HCRTR2: variants seen among roughly 807,000 people sequenced by gnomAD.
HCRTR2 encodes the protein orexin receptor type 2.
HCRTR2 carries 22 observed loss-of-function variants against 49.0 expected under a neutral mutation model. That is an observed-to-expected ratio of 0.45 (90% CI 0.32 to 0.64). The LOEUF is 0.64. Among genes scored for constraint, HCRTR2 ranks in the 30% least tolerant of loss-of-function variants. The pLI, the probability that HCRTR2 is intolerant of heterozygous loss-of-function variation, is 0.04. For missense variants in HCRTR2, 491 were observed against 559.4 expected (o/e 0.88, Z 1.23); for synonymous variants, 236 against 205.3 (o/e 1.15, Z -1.28).
intron 1 of HCRTR2, among the ~76,000 whole-genome samples, chr6:55,183,793 C>G (rs1765171588): frequency 1.3e-5 from 2 of 151,244 alleles, no homozygotes; most frequent in African/African-American, 2.4e-5. Flanking sequence ...GCATACAAAA[C>G]AAAGAAAGAA....
chr6:55,236,455 T>A (rs1459823258), intron 1 of HCRTR2, among the ~76,000 whole-genome samples: 3 of 152,086 alleles, frequency 2.0e-5, no homozygotes, highest in African/African-American at 7.2e-5. Flanking sequence ...ACTTAATAAG[T>A]ATGCCCTCTG....
rs372520718 is a variant in HCRTR2, at chr6:55,188,912, GTTCCAAAGAATGAAAAA to G, written c.223+14108_223+14124del. Among the ~76,000 whole-genome samples, 703 of 152,298 alleles carry G rather than the reference GTTCCAAAGAATGAAAAA, an allele frequency of 4.6e-3. 2 individuals carry two copies. Among genetic ancestry groups the G allele is most frequent in the African/African-American group, 0.016 (645 of 41,578 alleles). ...TGACATGTGAATACGATTTTGAAAA[GTTCCAAAGAATGAAAAA>G]TTCCACCTACATTGGTGAAGTACTA... On this transcript the variant is annotated intron_variant, in intron 1 of 6. Coordinates refer to ENST00000370862, the MANE Select transcript of HCRTR2 (RefSeq NM_001384272.1).
chr6:55,251,230 T>A (rs1766543681), intron 2 of HCRTR2, among the ~76,000 whole-genome samples: 1 of 152,154 alleles, frequency 6.6e-6, no homozygotes, highest in African/African-American at 2.4e-5. Flanking sequence ...TTAGATTACT[T>A]GGACGTTTAT....
chr6:55,184,309 T>C (rs1041573724), intron 1 of HCRTR2, among the ~76,000 whole-genome samples: 2 of 152,214 alleles, frequency 1.3e-5, no homozygotes, highest in Non-Finnish European at 2.9e-5. Flanking sequence ...GGTCTATTAA[T>C]ATTTTCCAAT....
intron 1 of HCRTR2, among the ~76,000 whole-genome samples, chr6:55,231,285 T>A (rs554431783): frequency 6.6e-6 from 1 of 152,264 alleles, no homozygotes; most frequent in South Asian, 2.1e-4. Context: ...AATTTCAATA[T>A]CCCTTTTTAT....
intron 1 of HCRTR2, among the ~76,000 whole-genome samples, chr6:55,145,899 CTCATCATA>C (rs1467170708): frequency 6.6e-6 from 1 of 152,044 alleles, no homozygotes; most frequent in Non-Finnish European, 1.5e-5. Context: ...TACATTTCTA[CTCATCATA>C]TAAGTTGTAA....
chr6:55,226,711 G>GTTT (rs777871106), intron 1 of HCRTR2, among the ~76,000 whole-genome samples: 1,414 of 74,388 alleles, frequency 0.019, 13 homozygotes, highest in East Asian at 0.041. Flanking sequence ...AATTCCAGGT[G>GTTT]TTTTTTTTTT....
At chr6:55,266,884 A>T (rs979709738) in intron 4 of HCRTR2, among the ~76,000 whole-genome samples, 2 of 152,186 alleles carry the variant, frequency 1.3e-5, no homozygotes, top group African/African-American at 2.4e-5. Flanking sequence ...CAAACTCTAA[A>T]ATAAATTTTA....
At chr6:55,192,406 C>T (rs574984049) in intron 1 of HCRTR2, among the ~76,000 whole-genome samples, 7 of 73,290 alleles carry the variant, frequency 9.6e-5, no homozygotes, top group South Asian at 4.0e-4. Context: ...CACACACGCG[C>T]GCGCGCGCAC....
intron 1 of HCRTR2, among the ~76,000 whole-genome samples, chr6:55,135,958 A>G (rs977099944): frequency 6.6e-6 from 1 of 152,086 alleles, no homozygotes; most frequent in African/African-American, 2.4e-5. Context: ...GACATGGTCA[A>G]TTTTCATGGC....
At chr6:55,235,136 G>A (rs988363399) in intron 1 of HCRTR2, among the ~76,000 whole-genome samples, 1 of 152,114 alleles carries the variant, frequency 6.6e-6, no homozygotes, top group Non-Finnish European at 1.5e-5. Flanking sequence ...TTAATCTATG[G>A]TGTTACAAAT....
At chr6:55,160,619 G>A (rs562220084) in intron 1 of HCRTR2, among the ~76,000 whole-genome samples, 1 of 152,134 alleles carries the variant, frequency 6.6e-6, no homozygotes, top group East Asian at 1.9e-4. Context: ...ATATAGGCTC[G>A]AAATAAAGGG....
chr6:55,116,305 T>G (rs2127612180), intron 1 of HCRTR2, among the ~76,000 whole-genome samples: 1 of 151,914 alleles, frequency 6.6e-6, no homozygotes, highest in African/African-American at 2.4e-5. Context: ...TAATGCAAAT[T>G]ATTTGAGTCG....
At chr6:55,122,240 T>C (rs1312586009) in intron 1 of HCRTR2, among the ~76,000 whole-genome samples, 1 of 152,196 alleles carries the variant, frequency 6.6e-6, no homozygotes, top group East Asian at 1.9e-4. Context: ...GATTTTCTAG[T>C]TTATTTGCAT....
intron 1 of HCRTR2, among the ~76,000 whole-genome samples, chr6:55,240,142 G>C (rs1766296778): frequency 6.6e-6 from 1 of 151,574 alleles, no homozygotes; most frequent in Non-Finnish European, 1.5e-5. Flanking sequence ...GGGATCACGA[G>C]GTCAGAAGAT....
chr6:55,213,685 A>G (rs1172256729), intron 1 of HCRTR2, among the ~76,000 whole-genome samples: 5 of 152,184 alleles, frequency 3.3e-5, no homozygotes, highest in African/African-American at 1.2e-4. Context: ...TTCTTGGAAA[A>G]GAAAGAGAAA....
rs896729010 is a variant in HCRTR2, at chr6:55,266,084, A to G, written c.762+2262A>G. Among the ~76,000 whole-genome samples, 14 of 152,290 alleles carry G rather than the reference A, an allele frequency of 9.2e-5. 1 individual carries two copies. The highest frequency in any genetic ancestry group is 6.5e-4 in the Admixed American group (10 of 15,282). ...AGGTGGGTTGGACAAGCTTGCTTAG[A>G]TGAATTAACTCAAGTGCCTAAATAT... On this transcript the variant is annotated intron_variant, in intron 4 of 6. Coordinates refer to ENST00000370862, the MANE Select transcript of HCRTR2 (RefSeq NM_001384272.1).
chr6:55,251,333 C>A (rs1386319592), intron 2 of HCRTR2, among the ~76,000 whole-genome samples: 1 of 151,874 alleles, frequency 6.6e-6, no homozygotes, highest in African/African-American at 2.4e-5. Context: ...GGCAAATGCA[C>A]AAAAATCTCA....
intron 1 of HCRTR2, among the ~76,000 whole-genome samples, chr6:55,135,441 C>T (rs1279118733): frequency 6.6e-6 from 1 of 152,080 alleles, no homozygotes; most frequent in Admixed American, 6.6e-5. Context: ...TATAATATCA[C>T]TACTCATCTG....
Sources: allele counts gnomAD v4.1 joint callset (sites outside exome capture counted in the v4.1 genomes callset), GRCh38; gene constraint gnomAD v4.1.1; transcripts MANE v1.5; gene names NCBI Gene and HGNC (gene_info 2026-07-23, HGNC 2026-07-21).